BRINP3: variants seen among roughly 807,000 people sequenced by gnomAD.
The protein encoded by BRINP3 is BMP/retinoic acid-inducible neural-specific protein 3.
BRINP3 carries 19 observed loss-of-function variants against 71.0 expected under a neutral mutation model. The observed-to-expected ratio is 0.27, with a 90% CI of 0.19 to 0.39. The LOEUF (loss-of-function observed/expected upper bound fraction) is 0.39. Among genes scored for constraint, BRINP3 ranks in the 10% least tolerant of loss-of-function variants. The pLI, the probability that BRINP3 is intolerant of heterozygous loss-of-function variation, is 1.00. For synonymous variants in BRINP3, 380 were observed against 337.7 expected, an observed-to-expected ratio of 1.13 and a Z score of -1.37; for missense variants, 959 against 940.8, an observed-to-expected ratio of 1.02 and a Z score of -0.25.
At chr1:190,128,464 A>G (rs1654266291) in intron 7 of BRINP3, among the ~76,000 whole-genome samples, 1 of 151,812 alleles carries the variant, frequency 6.6e-6, no homozygotes, top group Non-Finnish European at 1.5e-5. Context: ...ACAATTGATG[A>G]TGTATGTCTA....
chr1:190,318,533 T>C (rs968794103), intron 2 of BRINP3, among the ~76,000 whole-genome samples: 2 of 152,262 alleles, frequency 1.3e-5, no homozygotes, highest in Admixed American at 6.5e-5. Flanking sequence ...AATGCACTTA[T>C]AGGCTAAAGC....
chr1:190,389,828 G>T (rs1571928360), intron 2 of BRINP3, among the ~76,000 whole-genome samples: 1 of 151,708 alleles, frequency 6.6e-6, no homozygotes, highest in East Asian at 1.9e-4. Flanking sequence ...GGTTTGGGTA[G>T]GTTGAGCCGA....
intron 2 of BRINP3, among the ~76,000 whole-genome samples, chr1:190,358,954 T>C (rs535091890): frequency 1.3e-5 from 2 of 152,122 alleles, no homozygotes; most frequent in African/African-American, 2.4e-5. Context: ...AGGTGGGAAT[T>C]GAACAACGAG....
chr1:190,327,012 GAA>G (rs34143992), intron 2 of BRINP3, among the ~76,000 whole-genome samples: 219 of 137,324 alleles, frequency 1.6e-3, no homozygotes, highest in Middle Eastern at 3.8e-3. Flanking sequence ...TGTCAAGTTA[GAA>G]AAAAAAAAAA....
rs547701159 is a variant in BRINP3 at position 190,284,218 on chromosome 1, C to T, written c.237-2468G>A. ...TTATGACTTCCTTCATTTTGTTCCT[C>T]TTAAATAAGAACAATAGACATATTA... is the stretch of plus-strand genomic sequence containing the variant. On this transcript the variant is annotated intron_variant, in intron 2 of 7. Transcript: ENST00000367462. 5.9e-5 allele frequency among the ~76,000 whole-genome samples: 9 copies of T among 151,996 alleles called. No homozygotes were observed. The South Asian group carries it at 1.7e-3, about 28-fold the overall frequency.
chr1:190,245,487 T>C, intron 4 of BRINP3, among the ~76,000 whole-genome samples: 1 of 152,006 alleles, frequency 6.6e-6, no homozygotes. Context: ...ATTATAATCA[T>C]ATTATGCAGT....
At chr1:190,178,106 G>A (rs577039489) in intron 6 of BRINP3, among the ~76,000 whole-genome samples, 1 of 152,036 alleles carries the variant, frequency 6.6e-6, no homozygotes, top group African/African-American at 2.4e-5. Context: ...CAGGGTCCTG[G>A]AACCCCTGGA....
At chr1:190,401,669 A>T (rs1012930136) in intron 2 of BRINP3, among the ~76,000 whole-genome samples, 1 of 152,024 alleles carries the variant, frequency 6.6e-6, no homozygotes, top group Non-Finnish European at 1.5e-5. Context: ...AAAGTGTGAG[A>T]AGCATTGATG....
chr1:190,209,191 A>G (rs1380133958), intron 6 of BRINP3, among the ~76,000 whole-genome samples: 1 of 152,144 alleles, frequency 6.6e-6, no homozygotes, highest in East Asian at 1.9e-4. Flanking sequence ...CTTATACATA[A>G]TTCAGTATAG....
intron 1 of BRINP3, among the ~76,000 whole-genome samples, chr1:190,476,279 G>A (rs1168237147): frequency 2.7e-5 from 4 of 150,446 alleles, no homozygotes; most frequent in African/African-American, 9.8e-5. Context: ...AAAGAAAAGC[G>A]TGAACAATAG....
In BRINP3 at chr1:190,098,963, G is replaced by A. The variant is rs750688037; in HGVS notation, c.1356C>T (p.Cys452=). ...TVGDASACLT[C]APDNRTRCGT... ...CGCAGCGGGTGCGGTTGTCTGGTGC[G>A]CATGTCAGGCAGGCAGAGGCGTCTC... The change falls in exon 8 of 8, where the codon TGC becomes TGT. Residue 452 remains cysteine, a synonymous_variant. Transcript: ENST00000367462. The A allele has an allele frequency of 2.1e-5, 34 of 1,614,004 alleles. No homozygotes were observed. The highest frequency in any genetic ancestry group is 2.9e-5 in the Non-Finnish European group (34 of 1,180,040).
intron 7 of BRINP3, among the ~76,000 whole-genome samples, chr1:190,107,098 T>C (rs1429092361): frequency 2.6e-5 from 4 of 151,986 alleles, no homozygotes; most frequent in Non-Finnish European, 1.5e-5. Context: ...AATGTAGTTT[T>C]TGTAAAATAG....
At chr1:190,180,559 A>C (rs1652940313) in intron 6 of BRINP3, among the ~76,000 whole-genome samples, 1 of 152,098 alleles carries the variant, frequency 6.6e-6, no homozygotes, top group Non-Finnish European at 1.5e-5. Context: ...AATATGAAGA[A>C]ATTGAGGGAA....
At chr1:190,394,363 T>C (rs536613583) in intron 2 of BRINP3, among the ~76,000 whole-genome samples, 6 of 151,714 alleles carry the variant, frequency 4.0e-5, no homozygotes, top group Non-Finnish European at 5.9e-5. Flanking sequence ...AAAATGTCAT[T>C]ATTTCCAGTA....
rs1043891976 is a variant in BRINP3, at chr1:190,307,286, T to C, written c.237-25536A>G. Among the ~76,000 whole-genome samples the C allele has an allele frequency of 1.7e-3, 164 of 99,106 alleles. 2 individuals are homozygous for C. Among genetic ancestry groups the C allele is most frequent in the Non-Finnish European group, 2.6e-3 (123 of 46,556 alleles). The allele number at this position is 99,106 out of a possible 152,430, so 65.0% of individuals were successfully genotyped here. On this transcript the variant is annotated intron_variant, in intron 2 of 7. Coordinates refer to ENST00000367462, the MANE Select transcript of BRINP3 (RefSeq NM_199051.3). ...TTTTTTTTTTTTTTTTTTTTTTTTT[T>C]GAGACAGAGTCTCGCTCTGCCACCC...
intron 3 of BRINP3, among the ~76,000 whole-genome samples, chr1:190,266,929 G>C (rs1282161778): frequency 6.6e-6 from 1 of 152,148 alleles, no homozygotes; most frequent in Non-Finnish European, 1.5e-5. Flanking sequence ...CTTGATATTA[G>C]AGAATTTAGG....
At chr1:190,236,431 C>T (rs1482652832) in intron 4 of BRINP3, among the ~76,000 whole-genome samples, 1 of 151,904 alleles carries the variant, frequency 6.6e-6, no homozygotes, top group Non-Finnish European at 1.5e-5. Flanking sequence ...TTAGAGGCGA[C>T]AATCAATGAT....
chr1:190,189,576 TTTTTTCA>T (rs1430261776), intron 6 of BRINP3, among the ~76,000 whole-genome samples: 1 of 152,136 alleles, frequency 6.6e-6, no homozygotes, highest in East Asian at 1.9e-4. Context: ...GTTAATTGTA[TTTTTTCA>T]GTTTCAACAT....
Position 190,160,753 on chromosome 1 carries a change from G to A in BRINP3, c.1099C>T (p.Leu367=). Reference sequence around the variant, plus strand: ...TTGTGTACAATTTTCTGCGCCTTTAGGAAAAGTTGTTTCATGCTGTTCTCC... The same window carrying A: ...TTGTGTACAATTTTCTGCGCCTTTAAGAAAAGTTGTTTCATGCTGTTCTCC... The part of the protein sequence containing the change: ...QLENSMKQLF[L]KAQKIVHKLF... The change falls in exon 7 of 8, where the codon CTA becomes TTA. Residue 367 remains leucine (L), a synonymous_variant. Coordinates refer to ENST00000367462, the MANE Select transcript of BRINP3 (RefSeq NM_199051.3). 6.2e-7 allele frequency: 1 copy of A among 1,613,522 alleles called. No individual in the cohort carries two copies. The highest frequency in any genetic ancestry group is 8.5e-7 in the Non-Finnish European group (1 of 1,179,670).
Sources: gnomAD v4.1 joint callset for allele counts (sites outside exome capture counted in the v4.1 genomes callset) on GRCh38, gnomAD v4.1.1 for gene constraint, MANE v1.5 for transcripts, NCBI Gene and HGNC (gene_info 2026-07-23, HGNC 2026-07-21) for gene names.